ASPH: variants seen among roughly 807,000 people sequenced by gnomAD.
The protein encoded by ASPH is aspartyl/asparaginyl beta-hydroxylase.
In ASPH, 100 loss-of-function variants were observed where a neutral mutation model predicts 118.4. That is an observed-to-expected ratio of 0.84 (90% CI 0.72 to 1.00). ASPH has a LOEUF of 1.00. Ranked by LOEUF, ASPH falls within the 50% of genes least tolerant of loss-of-function variation. ASPH has a pLI of 0.00. For missense variants in ASPH, 920 were observed against 919.5 expected (o/e 1.00, Z -0.01); for synonymous variants, 315 against 325.6 (o/e 0.97, Z 0.35).
chr8:61,698,276 T>C (rs1042760644), intron 1 of ASPH, among the ~76,000 whole-genome samples: 11 of 152,222 alleles, frequency 7.2e-5, no homozygotes, highest in Non-Finnish European at 1.0e-4. Context: ...TATTTGAATA[T>C]AGTTTGAACA....
intron 1 of ASPH, among the ~76,000 whole-genome samples, chr8:61,688,818 A>G (rs1831603097): frequency 6.6e-6 from 1 of 152,226 alleles, no homozygotes; most frequent in Non-Finnish European, 1.5e-5. Flanking sequence ...AAAAGAACTA[A>G]AAGTCAGATA....
chr8:61,616,939 C>CCA (rs1394465842), intron 14 of ASPH, among the ~76,000 whole-genome samples: 4 of 152,262 alleles, frequency 2.6e-5, no homozygotes, highest in Non-Finnish European at 5.9e-5. Context: ...CAATTCCTGG[C>CCA]ATGTAGTTGG....
In ASPH at chr8:61,714,537, A is replaced by C. The variant is rs2151951166; in HGVS notation, c.-166T>G. On this transcript the variant is annotated 5_prime_UTR_variant, in exon 1 of 25. Transcript: ENST00000379454. ...AGCACCGCCTGCAGCACCTGGGAAGACTTCACCCGCCTGCCGGCTGCGCGC... is the reference window on the plus strand; with the variant it reads ...AGCACCGCCTGCAGCACCTGGGAAGCCTTCACCCGCCTGCCGGCTGCGCGC... The C allele has an allele frequency of 1.9e-6, 2 of 1,065,370 alleles. No homozygotes were observed. Among genetic ancestry groups the C allele is most frequent in the African/African-American group, 3.3e-5 (2 of 60,140 alleles). The allele number at this position is 1,065,370 out of a possible 1,614,324, so 66.0% of individuals were successfully genotyped here.
intron 1 of ASPH, among the ~76,000 whole-genome samples, chr8:61,704,234 CAGAG>C (rs1404529983): frequency 2.9e-5 from 2 of 69,014 alleles, no homozygotes; most frequent in Non-Finnish European, 5.7e-5. Flanking sequence ...AAAAAAAAAA[CAGAG>C]GGGCTCAGAA....
intron 18 of ASPH, among the ~76,000 whole-genome samples, chr8:61,556,513 A>G (rs749998867): frequency 2.0e-5 from 3 of 152,248 alleles, no homozygotes; most frequent in Non-Finnish European, 4.4e-5. Flanking sequence ...TTCATTCAAC[A>G]GAAAACTTCT....
At chr8:61,565,837 T>C (rs999936671) in intron 17 of ASPH, among the ~76,000 whole-genome samples, 6 of 152,218 alleles carry the variant, frequency 3.9e-5, no homozygotes, top group Non-Finnish European at 7.3e-5. Flanking sequence ...AGACTTTAAG[T>C]TGAAGCCAGT....
chr8:61,580,223 C>T (rs1837049950), intron 15 of ASPH, among the ~76,000 whole-genome samples: 1 of 152,186 alleles, frequency 6.6e-6, no homozygotes, highest in Admixed American at 6.5e-5. Context: ...CTGGGGCCTG[C>T]AGGATGGTGG....
At chr8:61,525,596 C>G (rs184253662) in intron 22 of ASPH, among the ~76,000 whole-genome samples, 1 of 152,300 alleles carries the variant, frequency 6.6e-6, no homozygotes, top group Non-Finnish European at 1.5e-5. Flanking sequence ...TTTATAGGAG[C>G]AAATGATGCT....
At position 61,538,369 on chromosome 8, in the gene ASPH, A is replaced by T. The variant is rs138291504; in HGVS notation, c.1764+9702T>A. On this transcript the variant is annotated intron_variant, in intron 21 of 24. Transcript: ENST00000379454. ...TGATTTAGAAAGATAAGACTAAGCT[A>T]TTATGTTAATCTTAAGAAATTGCTT... Among the ~76,000 whole-genome samples the T allele has an allele frequency of 9.5e-4, 144 of 152,348 alleles. 1 individual carries two copies. In the Middle Eastern group the frequency reaches 0.027, roughly 29 times the overall value.
At chr8:61,505,457 G>A (rs1401278023) in intron 24 of ASPH, among the ~76,000 whole-genome samples, 2 of 139,368 alleles carry the variant, frequency 1.4e-5, no homozygotes, top group Non-Finnish European at 3.0e-5. Context: ...TCATGCCACT[G>A]TGCTCCAGAC....
At chr8:61,561,647 G>A (rs1005529359) in intron 18 of ASPH, among the ~76,000 whole-genome samples, 3 of 152,210 alleles carry the variant, frequency 2.0e-5, no homozygotes, top group Admixed American at 1.3e-4. Flanking sequence ...AAGGAGTAGG[G>A]TGAGATGACT....
At chr8:61,565,242 T>C (rs1831293955) in intron 17 of ASPH, among the ~76,000 whole-genome samples, 1 of 152,248 alleles carries the variant, frequency 6.6e-6, no homozygotes, top group East Asian at 1.9e-4. Context: ...TGTTTTTTTT[T>C]CTAGCATTTT....
chr8:61,713,630 C>T (rs1838623061), intron 1 of ASPH, among the ~76,000 whole-genome samples: 2 of 152,160 alleles, frequency 1.3e-5, no homozygotes, highest in Admixed American at 6.5e-5. Flanking sequence ...GGTGAATATC[C>T]AATCGATTTT....
chr8:61,708,074 C>T (rs1232265174), intron 1 of ASPH, among the ~76,000 whole-genome samples: 1 of 151,954 alleles, frequency 6.6e-6, no homozygotes, highest in East Asian at 1.9e-4. Flanking sequence ...GAAGGAATAC[C>T]ACAGGAGAGG....
At chr8:61,651,209 A>G (rs1810804466) in intron 4 of ASPH, 85 bp from the exon 5 acceptor site, 2 of 1,052,718 alleles carry the variant, frequency 1.9e-6, no homozygotes, top group Non-Finnish European at 2.9e-6. Context: ...ATTGGTACAT[A>G]CACATTAAAA....
chr8:61,568,690 G>C (rs1387866308), intron 16 of ASPH, among the ~76,000 whole-genome samples: 2 of 152,142 alleles, frequency 1.3e-5, no homozygotes, highest in East Asian at 1.9e-4. Flanking sequence ...CGAGAGTGTA[G>C]ACAGAGAAAA....
intron 1 of ASPH, among the ~76,000 whole-genome samples, chr8:61,709,483 G>A (rs1417117686): frequency 6.6e-6 from 1 of 152,170 alleles, no homozygotes; most frequent in African/African-American, 2.4e-5. Context: ...ACACCCACAT[G>A]TGCAGTGCAG....
intron 19 of ASPH, among the ~76,000 whole-genome samples, chr8:61,555,107 T>C (rs1399500256): frequency 6.6e-6 from 1 of 152,178 alleles, no homozygotes; most frequent in Admixed American, 6.5e-5. Context: ...AAAAAAGGCA[T>C]ATTTTAATTT....
Position 61,517,827 on chromosome 8 carries a change from C to T in ASPH, c.1993-166G>A, listed in dbSNP as rs574724096. Among the ~76,000 whole-genome samples the T allele has an allele frequency of 6.6e-5, 10 of 152,270 alleles. 1 individual carries two copies. The highest frequency in any genetic ancestry group is 4.1e-4 in the South Asian group (2 of 4,824). On this transcript the variant is annotated intron_variant, in intron 23 of 24. Coordinates refer to ENST00000379454, the MANE Select transcript of ASPH (RefSeq NM_004318.4). Reference sequence around the variant, plus strand: ...TTTGTGAAGGAACTAAAAATAAGCACTCACATTTTCCACAAAGCTATAAAC... The same window carrying T: ...TTTGTGAAGGAACTAAAAATAAGCATTCACATTTTCCACAAAGCTATAAAC...
Sources: gnomAD v4.1 joint callset for allele counts (sites outside exome capture counted in the v4.1 genomes callset) on GRCh38, gnomAD v4.1.1 for gene constraint, MANE v1.5 for transcripts, NCBI Gene and HGNC (gene_info 2026-07-23, HGNC 2026-07-21) for gene names.